The following CDH20 variants were observed in gnomAD, a reference collection of about 807,000 sequenced individuals.
CDH20 encodes cadherin 20, also known as cadherin-20.
A neutral mutation model predicts 74.2 loss-of-function variants in CDH20; 29 were observed. The ratio of observed to expected loss-of-function variants is 0.39; its 90% CI spans 0.29 to 0.53. The LOEUF is 0.53. CDH20 is among the 20% of genes least tolerant of loss of function. The pLI is 0.69. For synonymous variants in CDH20, 469 were observed against 405.4 expected (o/e 1.16, Z -1.88); for missense variants, 988 against 1,048.3 (o/e 0.94, Z 0.79).
intron 1 of CDH20, among the ~76,000 whole-genome samples, chr18:61,389,123 C>A (rs934059488): frequency 6.6e-6 from 1 of 152,176 alleles, no homozygotes; most frequent in Non-Finnish European, 1.5e-5. Context: ...GGCTCCCCCT[C>A]TCACATCTCT....
chr18:61,346,934 G>A (rs1910131024), intron 1 of CDH20, among the ~76,000 whole-genome samples: 1 of 151,974 alleles, frequency 6.6e-6, no homozygotes, highest in Non-Finnish European at 1.5e-5. Flanking sequence ...TGTCCGTCTG[G>A]GGTGCTGGCA....
At chr18:61,486,890 G>C (rs956785954) in intron 1 of CDH20, among the ~76,000 whole-genome samples, 1 of 152,132 alleles carries the variant, frequency 6.6e-6, no homozygotes, top group Admixed American at 6.5e-5. Flanking sequence ...GGAATAATGA[G>C]GAAAGAAATC....
At chr18:61,360,528 C>T (rs11661460) in intron 1 of CDH20, among the ~76,000 whole-genome samples, 42,400 of 151,570 alleles carry the variant, frequency 0.28, 6,604 homozygotes, top group Middle Eastern at 0.5. Flanking sequence ...AGGCAGGAGG[C>T]GAGGGGAGGG....
At chr18:61,535,938 G>C (rs1912803841) in intron 7 of CDH20, among the ~76,000 whole-genome samples, 1 of 152,134 alleles carries the variant, frequency 6.6e-6, no homozygotes, top group African/African-American at 2.4e-5. Context: ...CACAGTTAAG[G>C]ACTCTCCAGC....
At chr18:61,436,545 T>G (rs563882161) in intron 1 of CDH20, among the ~76,000 whole-genome samples, 1 of 152,306 alleles carries the variant, frequency 6.6e-6, no homozygotes, top group South Asian at 2.1e-4. Flanking sequence ...CTGTGAAACA[T>G]CTAGGAAGCT....
intron 11 of CDH20, among the ~76,000 whole-genome samples, chr18:61,551,938 T>C (rs1302321195): frequency 1.3e-5 from 2 of 152,166 alleles, no homozygotes; most frequent in African/African-American, 4.8e-5. Flanking sequence ...ATTTATCTTA[T>C]CCCTTCCCAC....
chr18:61,470,645 G>C (rs1311510279), intron 1 of CDH20, among the ~76,000 whole-genome samples: 1 of 152,092 alleles, frequency 6.6e-6, no homozygotes, highest in Non-Finnish European at 1.5e-5. Context: ...AGTGACACCA[G>C]ATAGAGAAAG....
At chr18:61,553,431 C>T (rs1302959875) in intron 11 of CDH20, among the ~76,000 whole-genome samples, 1 of 152,080 alleles carries the variant, frequency 6.6e-6, no homozygotes, top group Non-Finnish European at 1.5e-5. Flanking sequence ...AAATTTTATC[C>T]AAACCTGCAA....
chr18:61,379,592 C>T (rs148992183), intron 1 of CDH20, among the ~76,000 whole-genome samples: 3 of 152,206 alleles, frequency 2.0e-5, no homozygotes, highest in East Asian at 1.9e-4. Flanking sequence ...TTTTTGGTAT[C>T]GTGAGATAGT....
At chr18:61,547,732 A>C (rs541397825) in intron 10 of CDH20, among the ~76,000 whole-genome samples, 3 of 148,384 alleles carry the variant, frequency 2.0e-5, no homozygotes, top group East Asian at 4.1e-4. Context: ...CCCCCGCCCC[A>C]CACACACAGT....
At chr18:61,418,170 T>G (rs963209723) in intron 1 of CDH20, among the ~76,000 whole-genome samples, 3 of 152,152 alleles carry the variant, frequency 2.0e-5, no homozygotes, top group African/African-American at 7.2e-5. Flanking sequence ...TAAAACATCT[T>G]TGGAACCTAG....
In CDH20 at chr18:61,528,204, A is replaced by T. The variant is rs980723665; in HGVS notation, c.1255A>T (p.Thr419Ser). Residue 419 changes from threonine (T) to serine (S), a missense_variant, in exon 7 of 12, where the codon ACC becomes TCC. Thr to Ser is a moderately conservative substitution (Grantham distance 58). Coordinates refer to ENST00000262717, the MANE Select transcript of CDH20 (RefSeq NM_031891.4). Reference protein sequence around the residue: ...QIISAKDPDVTNNSIRYSIDR... With the variant: ...QIISAKDPDVSNNSIRYSIDR... Reference sequence around the variant, plus strand: ...CATTTCTGCCAAGGACCCAGATGTGACCAACAACTCAATCAGGTTTTTCCA... The same window carrying T: ...CATTTCTGCCAAGGACCCAGATGTGTCCAACAACTCAATCAGGTTTTTCCA... 6.2e-7 allele frequency: 1 copy of T among 1,613,988 alleles called. No individual in the cohort carries two copies. Among genetic ancestry groups the T allele is most frequent in the African/African-American group, 1.3e-5 (1 of 74,918 alleles).
intron 1 of CDH20, among the ~76,000 whole-genome samples, chr18:61,443,570 C>A (rs1212383339): frequency 1.3e-5 from 2 of 152,110 alleles, no homozygotes; most frequent in Non-Finnish European, 2.9e-5. Context: ...CGGACCAGCA[C>A]CTGTCCACAA....
intron 1 of CDH20, among the ~76,000 whole-genome samples, chr18:61,409,686 G>A (rs548030185): frequency 7.0e-4 from 106 of 152,316 alleles, no homozygotes; most frequent in South Asian, 3.7e-3. Flanking sequence ...AAAATTGCGC[G>A]TGAGGATGCC....
At chr18:61,414,171 T>C (rs1599068713) in intron 1 of CDH20, among the ~76,000 whole-genome samples, 1 of 152,128 alleles carries the variant, frequency 6.6e-6, no homozygotes, top group Non-Finnish European at 1.5e-5. Context: ...GTTGGTACTA[T>C]AGATAGCAAG....
chr18:61,375,501 G>A (rs569048165), intron 1 of CDH20, among the ~76,000 whole-genome samples: 2 of 152,180 alleles, frequency 1.3e-5, no homozygotes, highest in South Asian at 2.1e-4. Flanking sequence ...GCTACTTCGT[G>A]CTACTTCCAC....
chr18:61,350,058 GAAACTAGATTCCAGGA>G (rs1910254751), intron 1 of CDH20, among the ~76,000 whole-genome samples: 2 of 152,020 alleles, frequency 1.3e-5, no homozygotes, highest in Non-Finnish European at 2.9e-5. Flanking sequence ...TGACTAATCT[GAAACTAGATTCCAGGA>G]ACTCCATGCC....
rs775275296 is a variant in CDH20, at chr18:61,545,084, T to C, written c.1588T>C (p.Tyr530His). 6.2e-6 allele frequency: 10 copies of C among 1,613,966 alleles called. No individual in the cohort carries two copies. Among genetic ancestry groups the C allele is most frequent in the African/African-American group, 1.3e-5 (1 of 74,912 alleles). Reference sequence around the variant, plus strand: ...TGACCCACGCAATGGTCAGCATTTCTACTACAGCTTGGCTCCTGAGGCTGC... The same window carrying C: ...TGACCCACGCAATGGTCAGCATTTCCACTACAGCTTGGCTCCTGAGGCTGC... ...QDDPRNGQHF[Y>H]YSLAPEAANN... is the part of the protein sequence containing the mutation. The change falls in exon 10 of 12, where the codon TAC becomes CAC. Residue 530 changes from tyrosine (Y) to histidine (H), a missense_variant. This residue lies in a region of CDH20 where 613 missense variants were observed against 755.2 expected (regional missense o/e 0.81). Coordinates refer to ENST00000262717, the MANE Select transcript of CDH20 (RefSeq NM_031891.4).
intron 5 of CDH20, among the ~76,000 whole-genome samples, chr18:61,505,335 CTTTTT>C (rs35833642): frequency 1.6e-4 from 19 of 117,418 alleles, no homozygotes; most frequent in African/African-American, 2.3e-4. Flanking sequence ...AAACCAATAT[CTTTTT>C]TTTTTTTTTT....
Sources: allele counts gnomAD v4.1 joint callset (sites outside exome capture counted in the v4.1 genomes callset), GRCh38; gene constraint gnomAD v4.1.1; regional missense constraint gnomAD v4.1.1; transcripts MANE v1.5; gene names NCBI Gene and HGNC (gene_info 2026-07-23, HGNC 2026-07-21).